CCDC7: variants seen among roughly 807,000 people sequenced by gnomAD.
CCDC7 encodes coiled-coil domain-containing protein 7.
CCDC7 carries 183 observed loss-of-function variants against 196.9 expected under a neutral mutation model. The ratio of observed to expected loss-of-function variants is 0.93; its 90% confidence interval spans 0.82 to 1.05. The LOEUF is 1.05. Ranked by LOEUF, CCDC7 falls within the 50% of genes least tolerant of loss-of-function variation. CCDC7 has a pLI of 0.00. For missense variants in CCDC7, 1,540 were observed against 1,482.2 expected, an observed-to-expected ratio of 1.04 and a Z score of -0.64; for synonymous variants, 525 against 484.6, an observed-to-expected ratio of 1.08 and a Z score of -1.10.
chr10:32,667,317 G>T (rs2073005482), intron 21 of CCDC7, among the ~76,000 whole-genome samples: 1 of 152,094 alleles, frequency 6.6e-6, no homozygotes, highest in South Asian at 2.1e-4. Flanking sequence ...CATTCTGTAG[G>T]CTGCCTGTTC....
chr10:32,646,769 T>G (rs2067839083), intron 20 of CCDC7, among the ~76,000 whole-genome samples: 1 of 152,198 alleles, frequency 6.6e-6, no homozygotes, highest in Admixed American at 6.5e-5. Flanking sequence ...GTGCCTATTG[T>G]TGTCATATTT....
intron 21 of CCDC7, among the ~76,000 whole-genome samples, chr10:32,669,112 A>G (rs2073490966): frequency 6.6e-6 from 1 of 151,934 alleles, no homozygotes; most frequent in Admixed American, 6.6e-5. Context: ...TTTTGAAATG[A>G]TTTGGAATTT....
chr10:32,811,338 T>TA (rs1353273266), intron 30 of CCDC7, among the ~76,000 whole-genome samples: 39 of 151,998 alleles, frequency 2.6e-4, no homozygotes, highest in Admixed American at 8.5e-4. Flanking sequence ...ACCACAGAAT[T>TA]ACAAAAGATC....
At chr10:32,669,744 G>A (rs1245844896) in intron 21 of CCDC7, among the ~76,000 whole-genome samples, 1 of 151,658 alleles carries the variant, frequency 6.6e-6, no homozygotes, top group Non-Finnish European at 1.5e-5. Context: ...TTTATTCCTG[G>A]TTTTGAGTCT....
At chr10:32,675,259 A>T (rs1443461211) in intron 21 of CCDC7, among the ~76,000 whole-genome samples, 1 of 145,672 alleles carries the variant, frequency 6.9e-6, no homozygotes, top group African/African-American at 2.6e-5. Flanking sequence ...TGTCTGATAC[A>T]GGTTTTTCTT....
chr10:32,597,313 G>A lies in CCDC7; in HGVS notation c.1801+13009G>A, dbSNP rs118188754. ...AATGTTTCTTCAATTTGATCAAATC[G>A]GCTACTGAAGTTTGTGCATGTGTCA... is the stretch of plus-strand genomic sequence containing the variant. On this transcript the variant is annotated intron_variant, in intron 18 of 41. Transcript: ENST00000639629. 8.0e-3 allele frequency among the ~76,000 whole-genome samples: 1,209 copies of A among 152,034 alleles called. 7 individuals carry two copies. Among genetic ancestry groups the A allele is most frequent in the Middle Eastern group, 0.02 (6 of 294 alleles).
chr10:32,766,998 T>C (rs1291829448), intron 28 of CCDC7, among the ~76,000 whole-genome samples: 1 of 152,114 alleles, frequency 6.6e-6, no homozygotes, highest in Non-Finnish European at 1.5e-5. Flanking sequence ...GGATGAATAG[T>C]GTAGACTTCC....
chr10:32,833,849 C>G (rs2092404104), intron 32 of CCDC7, among the ~76,000 whole-genome samples: 1 of 152,010 alleles, frequency 6.6e-6, no homozygotes, highest in Non-Finnish European at 1.5e-5. Context: ...ATGGACTCAA[C>G]CATTTCTCCA....
At chr10:32,581,303 G>GT (rs1036430858) in intron 16 of CCDC7, among the ~76,000 whole-genome samples, 1 of 152,064 alleles carries the variant, frequency 6.6e-6, no homozygotes, top group African/African-American at 2.4e-5. Context: ...TATTTTGGTT[G>GT]TTTTTGGCAA....
intron 25 of CCDC7, among the ~76,000 whole-genome samples, chr10:32,713,479 G>T (rs373001253): frequency 1.4e-4 from 22 of 152,258 alleles, no homozygotes; most frequent in African/African-American, 5.1e-4. Context: ...AAGTAGGAAG[G>T]GTCTGTATGT....
chr10:32,521,184 T>C (rs2047823760), intron 11 of CCDC7, among the ~76,000 whole-genome samples: 1 of 152,170 alleles, frequency 6.6e-6, no homozygotes, highest in African/African-American at 2.4e-5. Flanking sequence ...TTGCTCAGGA[T>C]AGCTTTGGCT....
chr10:32,763,234 A>C (rs773843575), intron 28 of CCDC7, among the ~76,000 whole-genome samples: 10 of 152,008 alleles, frequency 6.6e-5, no homozygotes, highest in Non-Finnish European at 1.3e-4. Context: ...GAAATGAAAC[A>C]TACAAATGGT....
intron 41 of CCDC7, among the ~76,000 whole-genome samples, chr10:32,859,889 A>T (rs1315926963): frequency 6.6e-6 from 1 of 152,220 alleles, no homozygotes; most frequent in African/African-American, 2.4e-5. Flanking sequence ...TGAATAGGCC[A>T]ATAACAAGTT....
chr10:32,826,453 T>C (rs1160136400), intron 32 of CCDC7, among the ~76,000 whole-genome samples: 1 of 152,182 alleles, frequency 6.6e-6, no homozygotes, highest in Non-Finnish European at 1.5e-5. Flanking sequence ...ATGAACTGGG[T>C]GCTTTCTGAC....
chr10:32,669,594 A>G (rs955414584), intron 21 of CCDC7, among the ~76,000 whole-genome samples: 4 of 152,042 alleles, frequency 2.6e-5, no homozygotes, highest in Admixed American at 1.3e-4. Flanking sequence ...TCTCTTCTTC[A>G]TGATTTAGTC....
At chr10:32,449,505 G>T (rs967464099), upstream of CCDC7, among the ~76,000 whole-genome samples, 7 of 151,018 alleles carry the variant, frequency 4.6e-5, no homozygotes, top group Admixed American at 2.6e-4. Flanking sequence ...TTTTTTAATG[G>T]TTTTTTTTTC....
At chr10:32,502,074 C>T (rs967073348) in intron 9 of CCDC7, among the ~76,000 whole-genome samples, 2 of 152,156 alleles carry the variant, frequency 1.3e-5, no homozygotes, top group Non-Finnish European at 2.9e-5. Context: ...GGATGCCCCT[C>T]CCCCTACCAA....
chr10:32,612,377 G>A (rs1203805420), intron 18 of CCDC7, among the ~76,000 whole-genome samples: 6 of 152,040 alleles, frequency 3.9e-5, no homozygotes, highest in Admixed American at 3.9e-4. Flanking sequence ...GAGAGAATTT[G>A]ACTTCCTCTC....
chr10:32,587,971 A>T (rs751589069), intron 18 of CCDC7, among the ~76,000 whole-genome samples: 1 of 152,210 alleles, frequency 6.6e-6, no homozygotes, highest in Admixed American at 6.5e-5. Flanking sequence ...TGATTAGGTC[A>T]TGGAGGCCTT....
Sources: allele counts gnomAD v4.1 joint callset (sites outside exome capture counted in the v4.1 genomes callset), GRCh38; gene constraint gnomAD v4.1.1; transcripts MANE v1.5; gene names NCBI Gene and HGNC (gene_info 2026-07-23, HGNC 2026-07-21).